The following MPDZ variants were observed in gnomAD, a reference collection of about 807,000 sequenced individuals.
MPDZ encodes the protein multiple PDZ domain crumbs cell polarity complex component.
In MPDZ, 234 loss-of-function variants were observed where a neutral mutation model predicts 239.1. The ratio of observed to expected loss-of-function variants is 0.98; its 90% CI spans 0.88 to 1.09. MPDZ has a LOEUF of 1.09. Among genes scored for constraint, MPDZ ranks in the 50% least tolerant of loss-of-function variants. MPDZ has a pLI of 0.00. For missense variants in MPDZ, 3,175 were observed against 2,510.0 expected, an observed-to-expected ratio of 1.26 and a Z score of -5.66; for synonymous variants, 1,048 against 881.3, an observed-to-expected ratio of 1.19 and a Z score of -3.35.
At chr9:13,256,637 G>C (rs539770326) in intron 1 of MPDZ, among the ~76,000 whole-genome samples, 2 of 152,268 alleles carry the variant, frequency 1.3e-5, no homozygotes, top group African/African-American at 4.8e-5. Flanking sequence ...GGAGCAGTTG[G>C]AACATGTGCA....
chr9:13,188,474 C>T (rs763557127), intron 17 of MPDZ, among the ~76,000 whole-genome samples: 16 of 151,954 alleles, frequency 1.1e-4, no homozygotes, highest in Admixed American at 1.3e-4. Context: ...ACCGAGATTT[C>T]GCCACTGCAC....
At chr9:13,161,969 A>G (rs1396629524) in intron 23 of MPDZ, among the ~76,000 whole-genome samples, 2 of 152,152 alleles carry the variant, frequency 1.3e-5, no homozygotes, top group African/African-American at 2.4e-5. Context: ...ATTACAAATA[A>G]AAAATGTTTC....
intron 39 of MPDZ, among the ~76,000 whole-genome samples, chr9:13,116,531 A>G (rs1158967069): frequency 2.0e-5 from 3 of 152,142 alleles, no homozygotes; most frequent in African/African-American, 7.2e-5. Context: ...CTTGACTTGT[A>G]ATATCCATAA....
rs141112391 is a variant in MPDZ at position 13,248,099 on chromosome 9, G to A, written c.17-298C>T. 6.6e-3 allele frequency among the ~76,000 whole-genome samples: 997 copies of A among 151,612 alleles called. 6 individuals carry two copies. Among genetic ancestry groups the A allele is most frequent in the South Asian group, 0.016 (76 of 4,800 alleles). ...AAAAATTAGCCGGGCATGGTGGTGC[G>A]CTCCTGTAACCCCAGCTACTCAGGA... On this transcript the variant is annotated intron_variant, in intron 2 of 46. Transcript: ENST00000319217.
intron 23 of MPDZ, among the ~76,000 whole-genome samples, chr9:13,159,627 G>A (rs1275096285): frequency 6.6e-6 from 1 of 152,140 alleles, no homozygotes; most frequent in Non-Finnish European, 1.5e-5. Flanking sequence ...TGACAGGCAG[G>A]GGATGGGGGG....
intron 1 of MPDZ, among the ~76,000 whole-genome samples, chr9:13,270,554 GC>G (rs1344844196): frequency 6.7e-6 from 1 of 150,106 alleles, no homozygotes; most frequent in Non-Finnish European, 1.5e-5. Context: ...ATTTTGGAGA[GC>G]TTTTTTTTTT....
intron 3 of MPDZ, among the ~76,000 whole-genome samples, chr9:13,243,549 T>G (rs1165416497): frequency 6.6e-6 from 1 of 152,132 alleles, no homozygotes; most frequent in African/African-American, 2.4e-5. Flanking sequence ...TTTTGAAATG[T>G]AATTAACAAA....
chr9:13,141,993 C>T (rs1947764259), intron 27 of MPDZ, among the ~76,000 whole-genome samples: 1 of 152,102 alleles, frequency 6.6e-6, no homozygotes. Flanking sequence ...ATAAAACCCT[C>T]ATTTGGTCCA....
intron 21 of MPDZ, among the ~76,000 whole-genome samples, chr9:13,173,909 CAGA>C (rs1952125455): frequency 1.3e-5 from 2 of 152,166 alleles, no homozygotes; most frequent in Non-Finnish European, 2.9e-5. Flanking sequence ...ATGGCTGCAG[CAGA>C]AGTTCTGTGT....
At chr9:13,134,915 T>C (rs941558250) in intron 31 of MPDZ, 4 of 152,492 alleles carry the variant, frequency 2.6e-5, no homozygotes, top group Non-Finnish European at 5.9e-5. Context: ...GTCTCTGATC[T>C]CTTGGTTAGC....
rs1206363429 is a variant in MPDZ, at chr9:13,158,067, C to A, written c.3403G>T (p.Glu1135Ter). The A allele has an allele frequency of 6.2e-7, 1 of 1,612,796 alleles. No homozygotes were observed. The highest frequency in any genetic ancestry group is 1.1e-5 in the South Asian group (1 of 91,034). The change falls in exon 24 of 47, where the codon GAA (glutamate) becomes TAA (stop). Residue 1135 changes from glutamate (E) to a stop codon, truncating the protein, a stop_gained. Transcript: ENST00000319217. LOFTEE classifies it high-confidence loss of function. ...LPEREEGEGEESELQNTAYSN... is the reference protein window; with the variant it reads ...LPEREEGEGE ...TATGCTGTGTTTTGAAGTTCGCTTT[C>A]TTCACCCTCTCCCTCTTCTCGCTCT...
At chr9:13,206,202 T>C in intron 10 of MPDZ, 103 bp from the exon 11 acceptor site, 2 of 1,105,206 alleles carry the variant, frequency 1.8e-6, no homozygotes, top group Non-Finnish European at 2.5e-6. Context: ...GTGAAAAGAA[T>C]GGAGAATAAG....
At chr9:13,124,103 G>C (rs1944770969) in intron 35 of MPDZ, among the ~76,000 whole-genome samples, 1 of 152,196 alleles carries the variant, frequency 6.6e-6, no homozygotes, top group Non-Finnish European at 1.5e-5. Context: ...GTATGCTTTA[G>C]ACAAGATGTT....
In MPDZ at chr9:13,236,263, ATATATTTTTTTTTTT is replaced by A. The variant is rs1296957589; in HGVS notation, c.183+11357_183+11371del. Among the ~76,000 whole-genome samples the A allele has an allele frequency of 8.8e-3, 122 of 13,822 alleles. 19 individuals carry two copies. The highest frequency in any genetic ancestry group is 0.022 in the Admixed American group (14 of 648). 9.1% of individuals were successfully genotyped at this position (13,822 alleles called of 152,430 possible). On this transcript the variant is annotated intron_variant, in intron 3 of 46. Coordinates refer to ENST00000319217, the MANE Select transcript of MPDZ (RefSeq NM_001378778.1). ...TGTGTGTGTGTGTATATATATATAT[ATATATTTTTTTTTTT>A]TTTTTTTTTTTTTTTTGAGACAGAG...
At chr9:13,158,594 G>T (rs1399452226) in intron 23 of MPDZ, among the ~76,000 whole-genome samples, 1 of 152,086 alleles carries the variant, frequency 6.6e-6, no homozygotes, top group Non-Finnish European at 1.5e-5. Context: ...ATGGACCAAT[G>T]ATTTTCTTTC....
intron 27 of MPDZ, among the ~76,000 whole-genome samples, chr9:13,141,257 T>G (rs185757911): frequency 6.6e-6 from 1 of 152,326 alleles, no homozygotes; most frequent in East Asian, 1.9e-4. Context: ...CTGAGTTCAT[T>G]TTATTCACTT....
At chr9:13,198,737 C>CTCTGTGTGTGTGTGTGTGTGTG (rs755487892) in intron 12 of MPDZ, among the ~76,000 whole-genome samples, 788 of 69,478 alleles carry the variant, frequency 0.011, 20 homozygotes, top group Non-Finnish European at 0.016. Context: ...ATCTCTCTCT[C>CTCTGTGTGTGTGTGTGTGTGTG]TGTGTGTGTG....
chr9:13,136,559 C>T (rs1946846549), intron 30 of MPDZ, among the ~76,000 whole-genome samples, 153 bp downstream of exon 30: 1 of 151,776 alleles, frequency 6.6e-6, no homozygotes, highest in South Asian at 2.1e-4. Context: ...ATCTCCTGAC[C>T]TCATGATCCG....
rs1347939031 is a variant in MPDZ at position 13,143,475 on chromosome 9, G to A, written c.3831C>T (p.Asn1277=). Residue 1277 remains asparagine, a synonymous_variant, in exon 27 of 47, where the codon AAC becomes AAT. Transcript: ENST00000319217. ...TNPFADSLQI[N]ADKAPSQSES... The stretch of plus-strand genomic sequence containing the variant: ...ATGGGCATTATCCAACCTTGTCGGC[G>A]TTGATTTGTAGAGAGTCAGCAAATG... 4 of 1,611,278 alleles carry A rather than the reference G, an allele frequency of 2.5e-6. No homozygotes were observed. Among genetic ancestry groups the A allele is most frequent in the Admixed American group, 1.7e-5 (1 of 59,936 alleles).
Sources: allele counts gnomAD v4.1 joint callset (sites outside exome capture counted in the v4.1 genomes callset), GRCh38; gene constraint gnomAD v4.1.1; transcripts MANE v1.5; gene names NCBI Gene and HGNC (gene_info 2026-07-23, HGNC 2026-07-21).